Variants in NOX4 observed in about 807,000 individuals in gnomAD.
NOX4 encodes the protein kidney oxidase-1.
NOX4 carries 69 observed loss-of-function variants against 87.6 expected under a neutral mutation model. The ratio of observed to expected loss-of-function variants is 0.79; its 90% confidence interval spans 0.65 to 0.96. The LOEUF is 0.96. NOX4 is among the 40% of genes least tolerant of loss of function. NOX4 has a pLI of 0.00. For missense variants in NOX4, 680 were observed against 681.5 expected, an observed-to-expected ratio of 1.00 and a Z score of 0.02; for synonymous variants, 275 against 238.2, an observed-to-expected ratio of 1.15 and a Z score of -1.42.
chr11:89,439,059 T>C (rs1398512378), intron 6 of NOX4, among the ~76,000 whole-genome samples: 1 of 134,260 alleles, frequency 7.4e-6, no homozygotes, highest in East Asian at 2.1e-4. Context: ...ATAATAATAC[T>C]ACTAATAGTA....
At chr11:89,360,260 T>C (rs904075526) in intron 12 of NOX4, among the ~76,000 whole-genome samples, 3 of 152,206 alleles carry the variant, frequency 2.0e-5, no homozygotes, top group African/African-American at 7.2e-5. Context: ...AGGACAAATC[T>C]TTCTTCACTC....
chr11:89,469,065 C>A (rs935580170), intron 2 of NOX4, among the ~76,000 whole-genome samples: 3 of 152,130 alleles, frequency 2.0e-5, no homozygotes, highest in Non-Finnish European at 4.4e-5. Flanking sequence ...ACATCTTCAT[C>A]CAAATTTTTG....
chr11:89,454,479 G>A (rs1945101006), intron 2 of NOX4, among the ~76,000 whole-genome samples: 1 of 152,016 alleles, frequency 6.6e-6, no homozygotes, highest in African/African-American at 2.4e-5. Flanking sequence ...CTTTCCAGAT[G>A]ATTCTAATAT....
In NOX4 at chr11:89,471,959, C is replaced by G. The variant is rs182828419; in HGVS notation, c.153+18499G>C. 3.0e-3 allele frequency among the ~76,000 whole-genome samples: 458 copies of G among 152,282 alleles called. 3 individuals are homozygous for G. Among genetic ancestry groups the G allele is most frequent in the African/African-American group, 9.3e-3 (387 of 41,568 alleles). The stretch of plus-strand genomic sequence containing the variant: ...GGTTTCACCAGTTGGTGAGGCTGGC[C>G]TTGAACTTCTGGCCTCAAGTGATCT... On this transcript the variant is annotated intron_variant, in intron 2 of 17. Transcript: ENST00000263317.
At chr11:89,425,315 A>G (rs1329255711) in intron 7 of NOX4, among the ~76,000 whole-genome samples, 1 of 151,796 alleles carries the variant, frequency 6.6e-6, no homozygotes, top group Non-Finnish European at 1.5e-5. Flanking sequence ...AATTTGACTC[A>G]GCTATTCTAC....
At chr11:89,386,970 A>C (rs930062370) in intron 11 of NOX4, among the ~76,000 whole-genome samples, 1 of 152,036 alleles carries the variant, frequency 6.6e-6, no homozygotes, top group African/African-American at 2.4e-5. Context: ...TTTATACGAC[A>C]AATGTTTCTT....
At chr11:89,530,653 A>G in the NOX4 span, among the ~76,000 whole-genome samples, 1 of 151,764 alleles carries the variant, frequency 6.6e-6, no homozygotes, top group East Asian at 1.9e-4. Context: ...GGTGTGAGCC[A>G]CCTCACCTGG....
At chr11:89,510,001 C>A in the NOX4 span, among the ~76,000 whole-genome samples, 1 of 152,008 alleles carries the variant, frequency 6.6e-6, no homozygotes, top group Non-Finnish European at 1.5e-5. Flanking sequence ...GTAATTTGAA[C>A]CTACGGAGTG....
intron 12 of NOX4, among the ~76,000 whole-genome samples, chr11:89,357,355 T>G (rs1394588732): frequency 1.3e-5 from 2 of 152,142 alleles, no homozygotes; most frequent in African/African-American, 4.8e-5. Context: ...ATTATACTCT[T>G]TTAGTTCACA....
At chr11:89,571,698 A>T in the NOX4 span, among the ~76,000 whole-genome samples, 11 of 151,778 alleles carry the variant, frequency 7.2e-5, no homozygotes, top group African/African-American at 1.5e-4. Context: ...TGTGAAAAAA[A>T]AAAAAATAAA....
upstream of NOX4, among the ~76,000 whole-genome samples, chr11:89,493,719 G>GTTTT (rs141832218): frequency 0.046 from 6,018 of 132,040 alleles, 179 homozygotes; most frequent in African/African-American, 0.071. Context: ...AAGCCAGATT[G>GTTTT]TTTTATTATT....
At chr11:89,554,166 G>A in the NOX4 span, among the ~76,000 whole-genome samples, 1 of 151,588 alleles carries the variant, frequency 6.6e-6, no homozygotes, top group Non-Finnish European at 1.5e-5. Flanking sequence ...TAAAAGGGGG[G>A]GAGGGGAATC....
At chr11:89,518,523 T>TGTTAAA in the NOX4 span, among the ~76,000 whole-genome samples, 1 of 152,184 alleles carries the variant, frequency 6.6e-6, no homozygotes, top group Admixed American at 6.5e-5. Context: ...TGATCTGCAA[T>TGTTAAA]AGTCATCTGC....
At chr11:89,477,681 T>G (rs947941242) in intron 2 of NOX4, among the ~76,000 whole-genome samples, 2 of 152,196 alleles carry the variant, frequency 1.3e-5, no homozygotes, top group African/African-American at 4.8e-5. Flanking sequence ...AAAAAAGTTT[T>G]TAAAACTTTT....
intron 2 of NOX4, among the ~76,000 whole-genome samples, chr11:89,485,266 A>T (rs963138515): frequency 2.6e-4 from 39 of 152,292 alleles, no homozygotes; most frequent in African/African-American, 8.9e-4. Context: ...CTTCAAGATC[A>T]TGCAGCAGAT....
intron 12 of NOX4, among the ~76,000 whole-genome samples, chr11:89,365,221 CA>C (rs994853928): frequency 2.5e-4 from 38 of 151,916 alleles, no homozygotes; most frequent in Non-Finnish European, 4.7e-4. Context: ...CTTTTATTTC[CA>C]GGGGGAGCAG....
the NOX4 span, among the ~76,000 whole-genome samples, chr11:89,537,374 T>G: frequency 6.6e-6 from 1 of 151,662 alleles, no homozygotes; most frequent in South Asian, 2.1e-4. Flanking sequence ...TCTCTCTCAA[T>G]AGTTATACAT....
intron 12 of NOX4, among the ~76,000 whole-genome samples, chr11:89,362,885 T>C (rs754949482): frequency 1.3e-5 from 2 of 152,124 alleles, no homozygotes; most frequent in Non-Finnish European, 2.9e-5. Flanking sequence ...TAGGAATTAC[T>C]ATTTAAATAT....
upstream of NOX4, among the ~76,000 whole-genome samples, chr11:89,501,116 G>A (rs1429053281): frequency 6.6e-6 from 1 of 151,882 alleles, no homozygotes; most frequent in African/African-American, 2.4e-5. Context: ...GGTATGTTTT[G>A]GCTGCTACTT....
Sources: gnomAD v4.1 joint callset for allele counts (sites outside exome capture counted in the v4.1 genomes callset) on GRCh38, gnomAD v4.1.1 for gene constraint, MANE v1.5 for transcripts, NCBI Gene and HGNC (gene_info 2026-07-23, HGNC 2026-07-21) for gene names.